MTG2: variants seen among roughly 807,000 people sequenced by gnomAD.
The protein encoded by MTG2 is mitochondrial ribosome associated GTPase 2, also known as mitochondrial ribosome-associated GTPase 2.
MTG2 carries 23 observed loss-of-function variants against 28.6 expected under a neutral mutation model. The ratio of observed to expected loss-of-function variants is 0.80; its 90% CI spans 0.58 to 1.14. MTG2 has a LOEUF of 1.14. MTG2 is among the 50% of genes most tolerant of loss of function. MTG2 has a pLI of 0.00. For synonymous variants in MTG2, 260 were observed against 251.8 expected, an observed-to-expected ratio of 1.03 and a Z score of -0.31; for missense variants, 539 against 552.0, an observed-to-expected ratio of 0.98 and a Z score of 0.24.
intron 3 of MTG2, 180 bp from the exon 4 acceptor site, chr20:62,197,672 T>G (rs1200893312): frequency 1.7e-6 from 1 of 580,074 alleles, no homozygotes; most frequent in African/African-American, 1.9e-5. Flanking sequence ...TAGCACTTTT[T>G]GAAGGAAAAT....
intron 1 of MTG2, among the ~76,000 whole-genome samples, chr20:62,189,653 G>T (rs1029334438): frequency 1.4e-5 from 2 of 145,880 alleles, no homozygotes; most frequent in East Asian, 4.1e-4. Flanking sequence ...ATTAGAATTT[G>T]TAAACATTAA....
chr20:62,193,855 T>C (rs547022046), intron 2 of MTG2: 1 of 539,880 alleles, frequency 1.9e-6, no homozygotes, highest in African/African-American at 1.9e-5. Context: ...TGGAAAGCCG[T>C]GATACAGGCT....
rs373927608 is a variant in MTG2 at position 62,193,501 on chromosome 20, T to A, written c.81T>A (p.Ala27=). Residue 27 remains alanine, a synonymous_variant, in exon 2 of 7, where the codon GCT becomes GCA. Coordinates refer to ENST00000370823, the MANE Select transcript of MTG2 (RefSeq NM_015666.4). The part of the protein sequence containing the change: ...GVGHWALSTW[A]GLKPSRLLPQ... Reference sequence around the variant, plus strand: ...GGCATTGGGCTTTGTCCACATGGGCTGGCCTGAAGCCCAGCCGGCTACTGC... The same window carrying A: ...GGCATTGGGCTTTGTCCACATGGGCAGGCCTGAAGCCCAGCCGGCTACTGC... The A allele has an allele frequency of 9.3e-6, 15 of 1,614,070 alleles. No individual in the cohort carries two copies. The highest frequency in any genetic ancestry group is 1.3e-5 in the Non-Finnish European group (15 of 1,180,056).
Position 62,200,923 on chromosome 20 carries a change from T to C in MTG2, c.1067T>C (p.Leu356Pro). The stretch of plus-strand genomic sequence containing the variant: ...GACCTCCCTGAAGCCCAAGCCAATC[T>C]GTCCCAGCTCCGGGATCACTTGGGA... ...KIDLPEAQAN[L>P]SQLRDHLGQE... Residue 356 changes from leucine (L) to proline (P), a missense_variant, in exon 7 of 7, where the codon CTG becomes CCG. Coordinates refer to ENST00000370823, the MANE Select transcript of MTG2 (RefSeq NM_015666.4). The C allele has an allele frequency of 6.2e-7, 1 of 1,614,094 alleles. No homozygotes were observed.
At chr20:62,186,609 G>C (rs960981984) in intron 1 of MTG2, among the ~76,000 whole-genome samples, 1 of 148,322 alleles carries the variant, frequency 6.7e-6, no homozygotes, top group Admixed American at 6.9e-5. Context: ...GCTCACGGCA[G>C]CGTCTGCCTC....
chr20:62,196,592 C>G (rs979427359), intron 3 of MTG2, among the ~76,000 whole-genome samples: 1 of 151,914 alleles, frequency 6.6e-6, no homozygotes, highest in Non-Finnish European at 1.5e-5. Flanking sequence ...ATGGCTTGAG[C>G]CCAGGAGGTC....
intron 1 of MTG2, among the ~76,000 whole-genome samples, chr20:62,191,429 C>T (rs1410744372): frequency 1.3e-5 from 2 of 152,252 alleles, no homozygotes; most frequent in East Asian, 1.9e-4. Context: ...GAAGTCCAGT[C>T]GGCGACTGAC....
chr20:62,190,410 C>G (rs2057934287), intron 1 of MTG2, among the ~76,000 whole-genome samples: 1 of 152,202 alleles, frequency 6.6e-6, no homozygotes. Flanking sequence ...AATTCTGTTG[C>G]TCTCCCTTCC....
At chr20:62,198,025 T>C (rs1457846134) in intron 4 of MTG2, 58 bp downstream of exon 4, 19 of 1,514,320 alleles carry the variant, frequency 1.3e-5, no homozygotes, top group Non-Finnish European at 1.8e-6. Context: ...ATCCAGCTCC[T>C]GGGGGCCACC....
At position 62,198,868 on chromosome 20, in the gene MTG2, G is replaced by C. The variant is rs2058109053; in HGVS notation, c.687+16G>C. On this transcript the variant is annotated intron_variant, in intron 5 of 6. Coordinates refer to ENST00000370823, the MANE Select transcript of MTG2 (RefSeq NM_015666.4). ...CGCCGGAATGGTAGGTGTCCCCACTGCCAACAGCATCTGCACACACTCAGC... is the reference window on the plus strand; with the variant it reads ...CGCCGGAATGGTAGGTGTCCCCACTCCCAACAGCATCTGCACACACTCAGC... The C allele has an allele frequency of 1.2e-6, 2 of 1,613,460 alleles. No individual in the cohort carries two copies. The highest frequency in any genetic ancestry group is 1.7e-6 in the Non-Finnish European group (2 of 1,179,716).
intron 1 of MTG2, 92 bp from the exon 2 acceptor site, chr20:62,193,324 A>G (rs2145845448): frequency 1.6e-6 from 2 of 1,255,732 alleles, no homozygotes; most frequent in Non-Finnish European, 2.3e-6. Context: ...AAACGTGCAC[A>G]AAGACCTGCT....
At chr20:62,186,597 C>T (rs1002418836) in intron 1 of MTG2, among the ~76,000 whole-genome samples, 5 of 143,066 alleles carry the variant, frequency 3.5e-5, no homozygotes, top group Admixed American at 7.5e-5. Context: ...AACGTGATCT[C>T]GGCTCACGGC....
At chr20:62,192,916 A>T (rs534703733) in intron 1 of MTG2, among the ~76,000 whole-genome samples, 1 of 152,350 alleles carries the variant, frequency 6.6e-6, no homozygotes, top group South Asian at 2.1e-4. Context: ...GGCCGAGGCC[A>T]CACAGGTGGA....
intron 3 of MTG2, 150 bp downstream of exon 3, chr20:62,196,099 G>A: frequency 1.1e-6 from 1 of 915,130 alleles, no homozygotes. Flanking sequence ...GATCACTTGA[G>A]CCCATAAGTT....
At chr20:62,189,757 C>T (rs1601087905) in intron 1 of MTG2, among the ~76,000 whole-genome samples, 2 of 150,548 alleles carry the variant, frequency 1.3e-5, no homozygotes, top group South Asian at 4.2e-4. Flanking sequence ...CCTCCGCCTC[C>T]CCGTTCAAGC....
chr20:62,198,884 C>T (rs1424830440), intron 5 of MTG2, 32 bp downstream of exon 5: 5 of 1,611,642 alleles, frequency 3.1e-6, no homozygotes, highest in East Asian at 2.2e-5. Flanking sequence ...AGCATCTGCA[C>T]ACACTCAGCT....
chr20:62,200,283 G>T (rs6089688), intron 6 of MTG2: 37,277 of 163,894 alleles, frequency 0.23, 4,471 homozygotes, highest in South Asian at 0.39. Flanking sequence ...AGGTTATTTG[G>T]ATGGCACTTT....
chr20:62,193,868 T>C, intron 2 of MTG2: 1 of 521,624 alleles, frequency 1.9e-6, no homozygotes, highest in South Asian at 2.4e-5. Flanking sequence ...TACAGGCTGC[T>C]CATTTTCCCA....
chr20:62,183,568 A>G (rs1293543562), intron 1 of MTG2, among the ~76,000 whole-genome samples: 2 of 152,230 alleles, frequency 1.3e-5, no homozygotes, highest in Non-Finnish European at 2.9e-5. Context: ...GCATTTCCAG[A>G]TAATTCACTG....
Sources: allele counts gnomAD v4.1 joint callset (sites outside exome capture counted in the v4.1 genomes callset), GRCh38; gene constraint gnomAD v4.1.1; transcripts MANE v1.5; gene names NCBI Gene and HGNC (gene_info 2026-07-23, HGNC 2026-07-21).